The following CDC25A variants were observed in gnomAD, a reference collection of about 807,000 sequenced individuals.
CDC25A encodes the protein M-phase inducer phosphatase 1.
Under a neutral mutation model 64.6 loss-of-function variants are expected in CDC25A, and 17 were observed. That is an observed-to-expected ratio of 0.26 (90% CI 0.18 to 0.39). The LOEUF (loss-of-function observed/expected upper bound fraction) is 0.39, where lower values mean the gene tolerates loss of function less well. Ranked by LOEUF, CDC25A falls within the 10% of genes least tolerant of loss-of-function variation. CDC25A has a pLI of 1.00. For missense variants in CDC25A, 473 were observed against 654.8 expected (o/e 0.72, Z 3.03); for synonymous variants, 229 against 238.6 (o/e 0.96, Z 0.37).
At chr3:48,161,151 C>CAAAAAAA (rs780264649) in intron 13 of CDC25A, 12 of 46,686 alleles carry the variant, frequency 2.6e-4, no homozygotes, top group African/African-American at 5.9e-4. Flanking sequence ...GATTCCAACT[C>CAAAAAAA]AAAAAAAAAA....
intron 9 of CDC25A, among the ~76,000 whole-genome samples, chr3:48,171,147 A>G (rs1478579115): frequency 1.3e-5 from 2 of 151,834 alleles, no homozygotes; most frequent in Admixed American, 6.6e-5. Context: ...CAAGGCGGAT[A>G]TATCACCTGA....
chr3:48,181,792 A>C (rs1444276852), intron 5 of CDC25A: 2 of 148,186 alleles, frequency 1.3e-5, no homozygotes, highest in Admixed American at 7.1e-5. Flanking sequence ...ATGAAGAATC[A>C]AAAAAAAAAA....
chr3:48,160,568 G>A (rs1054025609), intron 13 of CDC25A, among the ~76,000 whole-genome samples: 1 of 151,720 alleles, frequency 6.6e-6, no homozygotes, highest in Non-Finnish European at 1.5e-5. Flanking sequence ...CCGCCACCAC[G>A]CCTGGCTAAT....
intron 5 of CDC25A, chr3:48,181,613 G>T: frequency 2.1e-6 from 3 of 1,460,786 alleles, no homozygotes; most frequent in Non-Finnish European, 2.9e-6. Context: ...TATGGGATTT[G>T]TCACTGGATG....
chr3:48,187,641 C>G, intron 1 of CDC25A, 137 bp downstream of exon 1: 1 of 860,632 alleles, frequency 1.2e-6, no homozygotes, highest in Non-Finnish European at 1.7e-6. Context: ...CATGGCAGGC[C>G]CTAGCCCGGC....
chr3:48,183,743 G>T, intron 4 of CDC25A, 57 bp downstream of exon 4: 1 of 1,084,404 alleles, frequency 9.2e-7, no homozygotes, highest in Non-Finnish European at 1.4e-6. Context: ...AGGTCATGCT[G>T]GTAGCTAAGG....
intron 6 of CDC25A, 66 bp from the exon 7 acceptor site, chr3:48,178,054 C>T: frequency 6.8e-7 from 1 of 1,459,988 alleles, no homozygotes; most frequent in East Asian, 2.3e-5. Flanking sequence ...TTGAATGGGT[C>T]ACTAGTTTTT....
chr3:48,181,501 C>T (rs917624799), intron 5 of CDC25A: 1 of 989,154 alleles, frequency 1.0e-6, no homozygotes, highest in Non-Finnish European at 1.6e-6. Context: ...CTGAGTTCCC[C>T]GTTGCCCTTG....
At chr3:48,181,828 G>A in intron 5 of CDC25A, 1 of 607,364 alleles carries the variant, frequency 1.6e-6, no homozygotes, top group Non-Finnish European at 2.9e-6. Flanking sequence ...TAATATTACA[G>A]TGATTTCTAT....
At chr3:48,180,865 AC>A in intron 5 of CDC25A, 25 bp from the exon 6 acceptor site, 1 of 1,612,722 alleles carries the variant, frequency 6.2e-7, no homozygotes, top group Non-Finnish European at 8.5e-7. Flanking sequence ...TGAGACATCT[AC>A]TGTCCATGAA....
chr3:48,178,273 T>C (rs1366500197), intron 6 of CDC25A, among the ~76,000 whole-genome samples: 1 of 152,200 alleles, frequency 6.6e-6, no homozygotes, highest in Non-Finnish European at 1.5e-5. Context: ...CAAGGTTTCT[T>C]TTATTAGAAG....
intron 12 of CDC25A, among the ~76,000 whole-genome samples, chr3:48,164,719 T>G (rs1260929566): frequency 6.6e-6 from 1 of 152,112 alleles, no homozygotes; most frequent in African/African-American, 2.4e-5. Flanking sequence ...TTTATAAATT[T>G]GGGGATTTTC....
chr3:48,161,880 G>T (rs2031780347), intron 13 of CDC25A, among the ~76,000 whole-genome samples: 1 of 152,140 alleles, frequency 6.6e-6, no homozygotes, highest in African/African-American at 2.4e-5. Context: ...GGCCAATGTA[G>T]CAAAACCCCG....
At position 48,186,720 on chromosome 3, in the gene CDC25A, G is replaced by C. The variant is rs1432423624; in HGVS notation, c.230C>G (p.Ser77Cys). Residue 77 changes from serine to cysteine, a missense_variant, in exon 2 of 15, where the codon TCC becomes TGC. Coordinates refer to ENST00000302506, the MANE Select transcript of CDC25A (RefSeq NM_001789.3). ...TTAAATACCTGAATCTGTTGACTCG[G>C]AGGAGCCCATTCTCTGCAGATTACT... ...NNSNLQRMGS[S>C]ESTDSGFCLD... 5.6e-6 allele frequency: 9 copies of C among 1,599,882 alleles called. No homozygotes were observed. The highest frequency in any genetic ancestry group is 6.8e-6 in the Non-Finnish European group (8 of 1,170,262).
intron 6 of CDC25A, 112 bp from the exon 7 acceptor site, chr3:48,178,100 A>C: frequency 2.8e-6 from 3 of 1,087,414 alleles, no homozygotes; most frequent in Admixed American, 2.4e-5. Context: ...TTGTTATACA[A>C]AGCAAAATTT....
intron 9 of CDC25A, among the ~76,000 whole-genome samples, chr3:48,170,910 AT>A (rs2032246348): frequency 6.6e-6 from 1 of 152,170 alleles, no homozygotes; most frequent in South Asian, 2.1e-4. Flanking sequence ...AATGCTTGAC[AT>A]TTTCTCCACA....
chr3:48,160,946 G>A (rs922495402), intron 13 of CDC25A, among the ~76,000 whole-genome samples: 1 of 151,652 alleles, frequency 6.6e-6, no homozygotes, highest in African/African-American at 2.4e-5. Flanking sequence ...GAGGTCAGGA[G>A]TTCGAGACCA....
chr3:48,178,114 C>G (rs756419756), intron 6 of CDC25A, 126 bp from the exon 7 acceptor site: 12 of 836,598 alleles, frequency 1.4e-5, no homozygotes, highest in Admixed American at 2.5e-5. Context: ...AAAATTTTAG[C>G]CATTACTGAT....
At chr3:48,160,474 G>A (rs1448870502) in intron 13 of CDC25A, among the ~76,000 whole-genome samples, 3 of 148,326 alleles carry the variant, frequency 2.0e-5, no homozygotes, top group Non-Finnish European at 3.0e-5. Context: ...GCACTGGCGC[G>A]ATCTCGGCTC....
Sources: allele counts gnomAD v4.1 joint callset (sites outside exome capture counted in the v4.1 genomes callset), GRCh38; gene constraint gnomAD v4.1.1; transcripts MANE v1.5; gene names NCBI Gene and HGNC (gene_info 2026-07-23, HGNC 2026-07-21).